The following MYT1L variants were observed in gnomAD, a reference collection of about 807,000 sequenced individuals.
MYT1L encodes the protein myelin transcription factor 1-like protein.
A neutral mutation model predicts 126.7 loss-of-function variants in MYT1L; 12 were observed. The observed-to-expected ratio is 0.09, with a 90% CI of 0.06 to 0.15. The LOEUF is 0.15. Ranked by LOEUF, MYT1L falls within the 10% of genes least tolerant of loss-of-function variation. The pLI, the probability that MYT1L is intolerant of heterozygous loss-of-function variation, is 1.00. For missense variants in MYT1L, 979 were observed against 1,585.2 expected, an observed-to-expected ratio of 0.62 and a Z score of 6.49; for synonymous variants, 541 against 604.2, an observed-to-expected ratio of 0.90 and a Z score of 1.53.
intron 19 of MYT1L, among the ~76,000 whole-genome samples, chr2:1,845,171 G>A (rs891251192): frequency 4.6e-5 from 7 of 152,016 alleles, no homozygotes; most frequent in Non-Finnish European, 8.8e-5. Flanking sequence ...TAGAGATGAC[G>A]TTTCATCATG....
Position 1,943,152 on chromosome 2 carries a change from T to C in MYT1L, c.335A>G (p.Glu112Gly). The C allele has an allele frequency of 6.5e-7, 1 of 1,538,072 alleles. No homozygotes were observed. The highest frequency in any genetic ancestry group is 1.2e-5 in the South Asian group (1 of 83,656). ...CTCATCCCCTGGCTCATCATTGTCCTCGGAGTACTCCTCCCCCTCATCCTC... is the reference window on the plus strand; with the variant it reads ...CTCATCCCCTGGCTCATCATTGTCCCCGGAGTACTCCTCCCCCTCATCCTC... ...KEEDEGEEYS[E>G]DNDEPGDEDE... Residue 112 changes from glutamate (E) to glycine (G), a missense_variant, in exon 9 of 25, where the codon GAG becomes GGG. Physicochemically the swap from Glu to Gly is moderately conservative, Grantham distance 98. Around this residue, in one of 12 missense-constraint regions of MYT1L, gnomAD observed 111 missense variants for 115.9 expected, o/e 0.96. Coordinates refer to ENST00000647738, the MANE Select transcript of MYT1L (RefSeq NM_001303052.2). This position sits in a 1 kb window ranked among gnomAD's most constrained non-coding sequence, Gnocchi z 4.4.
intron 3 of MYT1L, among the ~76,000 whole-genome samples, chr2:2,165,490 CG>C (rs1559199020): frequency 6.6e-6 from 1 of 152,022 alleles, no homozygotes; most frequent in African/African-American, 2.4e-5. Context: ...ATCACCAATG[CG>C]TAATTTCAAC....
intron 1 of MYT1L, among the ~76,000 whole-genome samples, chr2:2,287,632 C>A (rs2095541854): frequency 1.3e-5 from 2 of 152,150 alleles, no homozygotes; most frequent in African/African-American, 4.8e-5. Context: ...TGGATTAGAT[C>A]ATCTTTAAGA....
rs1339238074 is a variant in MYT1L at position 1,979,016 on chromosome 2, A to G, written c.152+149T>C. ...TGTTTTGAGAACCCTTTCAAGAGAC[A>G]AAGACTGAGTTCCAGTGTGAGAAGA... On this transcript the variant is annotated intron_variant, in intron 8 of 24. Transcript: ENST00000647738. The surrounding 1 kb of genome is among the most constrained non-coding windows in gnomAD (Gnocchi z 4.0). 2.1e-5 allele frequency: 14 copies of G among 667,920 alleles called. No homozygotes were observed. The highest frequency in any genetic ancestry group is 3.4e-5 in the Non-Finnish European group (13 of 381,622). The allele number at this position is 667,920 out of a possible 1,614,324, so 41.4% of individuals were successfully genotyped here.
intron 14 of MYT1L, among the ~76,000 whole-genome samples, chr2:1,899,832 A>G (rs1380366426): frequency 3.3e-5 from 5 of 152,222 alleles, no homozygotes; most frequent in Non-Finnish European, 7.3e-5. Flanking sequence ...AGACTGACAG[A>G]TGGATAGGCA....
intron 3 of MYT1L, among the ~76,000 whole-genome samples, chr2:2,147,808 G>A (rs569589878): frequency 2.0e-5 from 3 of 152,330 alleles, no homozygotes; most frequent in African/African-American, 4.8e-5. Flanking sequence ...GTCCACCTGG[G>A]AGCCCCGCAG....
intron 5 of MYT1L, among the ~76,000 whole-genome samples, chr2:1,983,031 G>T (rs2060724430): frequency 6.6e-6 from 1 of 152,056 alleles, no homozygotes; most frequent in African/African-American, 2.4e-5. Context: ...GCATATAGGG[G>T]CAAACTTATT....
chr2:2,226,724 C>T (rs1228720177), intron 2 of MYT1L, among the ~76,000 whole-genome samples: 2 of 152,132 alleles, frequency 1.3e-5, no homozygotes, highest in Non-Finnish European at 1.5e-5. Flanking sequence ...GAGACCCAGC[C>T]CAGAGCAACA....
rs192339670 is a variant in MYT1L, at chr2:1,990,981, T to C, written c.-1+6210A>G. Among the ~76,000 whole-genome samples, 9 of 152,304 alleles carry C rather than the reference T, an allele frequency of 5.9e-5. No individual in the cohort carries two copies. In the East Asian group the frequency reaches 1.4e-3, roughly 23 times the overall value. On this transcript the variant is annotated intron_variant, in intron 5 of 24. Coordinates refer to ENST00000647738, the MANE Select transcript of MYT1L (RefSeq NM_001303052.2). ...TGCCAGCTTCCTTTGTGGGCTAAGC[T>C]CATCCCAGGGCTGATGGAGACTGCT...
chr2:2,053,475 C>T (rs1483706016), intron 4 of MYT1L, among the ~76,000 whole-genome samples: 1 of 152,296 alleles, frequency 6.6e-6, no homozygotes, highest in East Asian at 1.9e-4. Context: ...TTTCAAGAAG[C>T]ATGACTCCCA....
At chr2:2,306,864 A>T (rs2095865932) in intron 1 of MYT1L, among the ~76,000 whole-genome samples, 1 of 152,228 alleles carries the variant, frequency 6.6e-6, no homozygotes, top group Non-Finnish European at 1.5e-5. Flanking sequence ...AGGGTAGGTT[A>T]CACCATTATA....
At chr2:2,015,844 G>C (rs1041744962) in intron 4 of MYT1L, among the ~76,000 whole-genome samples, 1 of 152,170 alleles carries the variant, frequency 6.6e-6, no homozygotes, top group African/African-American at 2.4e-5. Flanking sequence ...CTATCTTGCA[G>C]ATGTTGTGTA....
chr2:2,268,221 G>A (rs559022451), intron 2 of MYT1L, among the ~76,000 whole-genome samples: 1 of 152,080 alleles, frequency 6.6e-6, no homozygotes, highest in Non-Finnish European at 1.5e-5. Context: ...TTGTTAACTA[G>A]GCATGAGGGC....
intron 3 of MYT1L, among the ~76,000 whole-genome samples, chr2:2,143,663 C>A (rs2084385254): frequency 6.6e-6 from 1 of 152,030 alleles, no homozygotes; most frequent in African/African-American, 2.4e-5. Context: ...GGACAGAAGG[C>A]TGAGACATGG....
intron 21 of MYT1L, among the ~76,000 whole-genome samples, chr2:1,814,164 A>G (rs1364287790): frequency 6.6e-6 from 1 of 152,004 alleles, no homozygotes; most frequent in Non-Finnish European, 1.5e-5. Context: ...TCCACTCACG[A>G]ATTCCCCAGG....
chr2:2,265,005 G>A (rs1181379666), intron 2 of MYT1L, among the ~76,000 whole-genome samples: 1 of 151,964 alleles, frequency 6.6e-6, no homozygotes, highest in East Asian at 1.9e-4. Context: ...AACATCTTGA[G>A]CAACTAAAAT....
chr2:2,211,609 C>A (rs775062911), intron 2 of MYT1L, among the ~76,000 whole-genome samples: 30 of 151,956 alleles, frequency 2.0e-4, no homozygotes, highest in Non-Finnish European at 3.4e-4. Context: ...AGTTCGAGAA[C>A]AGCCTAGCCA....
chr2:2,179,022 G>A (rs1186614204), intron 2 of MYT1L, among the ~76,000 whole-genome samples: 1 of 151,570 alleles, frequency 6.6e-6, no homozygotes, highest in African/African-American at 2.4e-5. Flanking sequence ...CCAAAGAGCA[G>A]TAACTGGGTT....
chr2:2,123,129 A>G (rs934208363), intron 3 of MYT1L, among the ~76,000 whole-genome samples: 17 of 152,134 alleles, frequency 1.1e-4, no homozygotes, highest in African/African-American at 3.4e-4. Flanking sequence ...TGGGCACAGC[A>G]TCACTGCCGG....
Sources: allele counts gnomAD v4.1 joint callset (sites outside exome capture counted in the v4.1 genomes callset), GRCh38; gene constraint gnomAD v4.1.1; regional missense constraint gnomAD v4.1.1; non-coding constraint Gnocchi (gnomAD v3.1); transcripts MANE v1.5; gene names NCBI Gene and HGNC (gene_info 2026-07-23, HGNC 2026-07-21).